Variants in PCDHA12 observed in about 807,000 individuals in gnomAD.
The protein encoded by PCDHA12 is protocadherin alpha 12.
PCDHA12 carries 44 observed loss-of-function variants against 60.0 expected under a neutral mutation model. The ratio of observed to expected loss-of-function variants is 0.73; its 90% CI spans 0.58 to 0.94. The LOEUF is 0.94. Ranked by LOEUF, PCDHA12 falls within the 40% of genes least tolerant of loss-of-function variation. The probability of loss-of-function intolerance (pLI) is 0.00; values close to 1 mark genes in which losing one functional copy is unlikely to be tolerated. For synonymous variants in PCDHA12, 569 were observed against 553.0 expected (o/e 1.03, Z -0.40); for missense variants, 1,276 against 1,239.7 (o/e 1.03, Z -0.44).
intron 1 of PCDHA12, among the ~76,000 whole-genome samples, chr5:140,886,267 A>C (rs1472520900): frequency 6.6e-6 from 1 of 151,960 alleles, no homozygotes; most frequent in African/African-American, 2.4e-5. Context: ...TTTATAGATA[A>C]AATTTTTTAA....
intron 1 of PCDHA12, among the ~76,000 whole-genome samples, chr5:140,954,350 GA>G (rs1255818394): frequency 6.6e-6 from 1 of 152,156 alleles, no homozygotes; most frequent in Non-Finnish European, 1.5e-5. Context: ...GATCTTTGAG[GA>G]ATCGCCACAC....
At chr5:140,997,302 G>A (rs1430183310) in intron 3 of PCDHA12, among the ~76,000 whole-genome samples, 2 of 152,154 alleles carry the variant, frequency 1.3e-5, no homozygotes, top group Non-Finnish European at 2.9e-5. Flanking sequence ...GATACACTGA[G>A]AAATGTGTCT....
At chr5:140,929,414 A>T (rs1174756115) in intron 1 of PCDHA12, 15 of 1,504,422 alleles carry the variant, frequency 1.0e-5, no homozygotes, top group Non-Finnish European at 1.3e-5. Context: ...GCCTTTCACA[A>T]CATTTCATCA....
rs1554169291 is a variant in PCDHA12 at position 140,877,075 on chromosome 5, G to A, written c.1603G>A (p.Val535Met). The change falls in exon 1 of 4, where the codon GTG becomes ATG. Residue 535 changes from valine (V) to methionine (M), a missense_variant. Transcript: ENST00000398631. The part of the protein sequence containing the change: ...HEELELLQFQ[V>M]SARDAGVPPL... ...GGAGCTGGAGCTGCTGCAGTTCCAGGTGAGCGCGCGCGACGCCGGCGTGCC... is the reference window on the plus strand; with the variant it reads ...GGAGCTGGAGCTGCTGCAGTTCCAGATGAGCGCGCGCGACGCCGGCGTGCC... 6.2e-7 allele frequency: 1 copy of A among 1,612,986 alleles called. No individual in the cohort carries two copies. The highest frequency in any genetic ancestry group is 1.1e-5 in the South Asian group (1 of 91,036).
intron 1 of PCDHA12, among the ~76,000 whole-genome samples, chr5:140,960,819 G>A (rs1287793882): frequency 1.3e-5 from 2 of 152,146 alleles, no homozygotes; most frequent in Admixed American, 6.5e-5. Context: ...CCCAAGTGAT[G>A]AATGGAAACT....
intron 1 of PCDHA12, among the ~76,000 whole-genome samples, chr5:140,941,562 G>A (rs1032844993): frequency 1.3e-5 from 2 of 151,596 alleles, no homozygotes; most frequent in African/African-American, 2.4e-5. Flanking sequence ...TGATCCATTC[G>A]CCTCAGCCTC....
intron 3 of PCDHA12, among the ~76,000 whole-genome samples, chr5:141,009,358 C>G (rs993815936): frequency 8.5e-5 from 13 of 152,116 alleles, no homozygotes; most frequent in Admixed American, 6.6e-5. Flanking sequence ...ACTTGGGAGG[C>G]TAAGATGGGA....
chr5:140,949,335 C>T (rs1388078558), intron 1 of PCDHA12, among the ~76,000 whole-genome samples: 1 of 151,586 alleles, frequency 6.6e-6, no homozygotes, highest in Non-Finnish European at 1.5e-5. Flanking sequence ...TATTGTTATC[C>T]AGATTTTCTG....
chr5:140,923,832 T>C (rs1584323997), intron 1 of PCDHA12, among the ~76,000 whole-genome samples: 1 of 152,306 alleles, frequency 6.6e-6, no homozygotes, highest in East Asian at 1.9e-4. Context: ...TCAGTGGCAG[T>C]TTAAATAGAG....
At chr5:140,915,107 C>T (rs1461317939) in intron 1 of PCDHA12, among the ~76,000 whole-genome samples, 1 of 151,880 alleles carries the variant, frequency 6.6e-6, no homozygotes, top group African/African-American at 2.4e-5. Flanking sequence ...CACCACAACA[C>T]CCACCTAATT....
At position 140,915,626 on chromosome 5, in the gene PCDHA12, G is replaced by GTCTCTCTCTC. The variant is rs57920489; in HGVS notation, c.2367+37808_2367+37817dup. 2.5e-3 allele frequency among the ~76,000 whole-genome samples: 366 copies of GTCTCTCTCTC among 146,512 alleles called. 2 individuals carry two copies. Among genetic ancestry groups the GTCTCTCTCTC allele is most frequent in the South Asian group, 3.6e-3 (16 of 4,500 alleles). ...ACTTTCTGTCAAACAGTCTCTTTCT[G>GTCTCTCTCTC]TCTCTCTCTCTCTCTCTCTCTCTCT... On this transcript the variant is annotated intron_variant, in intron 1 of 3. Coordinates refer to ENST00000398631, the MANE Select transcript of PCDHA12 (RefSeq NM_018903.4).
At chr5:140,953,092 G>A (rs141861684) in intron 1 of PCDHA12, among the ~76,000 whole-genome samples, 2 of 152,252 alleles carry the variant, frequency 1.3e-5, no homozygotes, top group South Asian at 2.1e-4. Context: ...ATTACAATTT[G>A]ACATGAGATT....
intron 3 of PCDHA12, among the ~76,000 whole-genome samples, chr5:141,005,506 A>G (rs1462164149): frequency 1.3e-5 from 2 of 151,786 alleles, no homozygotes; most frequent in East Asian, 3.9e-4. Flanking sequence ...GATCGAGACC[A>G]TCCTGGCTAA....
chr5:140,977,681 A>G (rs1363970729), intron 1 of PCDHA12, among the ~76,000 whole-genome samples: 2 of 152,208 alleles, frequency 1.3e-5, no homozygotes, highest in African/African-American at 4.8e-5. Context: ...AATATCATGT[A>G]GCCATCCAGA....
At chr5:140,897,458 G>T (rs191522392) in intron 1 of PCDHA12, among the ~76,000 whole-genome samples, 1 of 151,310 alleles carries the variant, frequency 6.6e-6, no homozygotes, top group African/African-American at 2.4e-5. Flanking sequence ...TTGTCCTTGC[G>T]ATAGTTTACT....
At chr5:140,995,557 A>G (rs1032736761) in intron 3 of PCDHA12, among the ~76,000 whole-genome samples, 2 of 152,252 alleles carry the variant, frequency 1.3e-5, no homozygotes, top group African/African-American at 2.4e-5. Flanking sequence ...ACTGTACTGA[A>G]TAATATGTCA....
intron 1 of PCDHA12, among the ~76,000 whole-genome samples, chr5:140,900,093 C>T (rs559553399): frequency 1.6e-4 from 24 of 152,202 alleles, no homozygotes; most frequent in Middle Eastern, 3.4e-3. Flanking sequence ...TACAAGCATG[C>T]GCCACCATAC....
chr5:140,964,238 T>G (rs1354844619), intron 1 of PCDHA12, among the ~76,000 whole-genome samples: 1 of 152,208 alleles, frequency 6.6e-6, no homozygotes, highest in Admixed American at 6.5e-5. Flanking sequence ...AGGCTGATTG[T>G]GTTGGCTTTA....
intron 3 of PCDHA12, among the ~76,000 whole-genome samples, chr5:140,998,253 T>C (rs1245576621): frequency 6.6e-6 from 1 of 152,232 alleles, no homozygotes; most frequent in Non-Finnish European, 1.5e-5. Context: ...CTCATTTTAC[T>C]GCTAAGAAAA....
Sources: allele counts gnomAD v4.1 joint callset (sites outside exome capture counted in the v4.1 genomes callset), GRCh38; gene constraint gnomAD v4.1.1; transcripts MANE v1.5; gene names NCBI Gene and HGNC (gene_info 2026-07-23, HGNC 2026-07-21).